The following PCDHGA1 variants were observed in gnomAD, a reference collection of about 807,000 sequenced individuals.
The protein encoded by PCDHGA1 is protocadherin gamma subfamily A, 1, also known as protocadherin gamma-A1.
A neutral mutation model predicts 58.0 loss-of-function variants in PCDHGA1; 32 were observed. The observed-to-expected ratio is 0.55, with a 90% CI of 0.42 to 0.74. PCDHGA1 has a LOEUF of 0.74. Ranked by LOEUF, PCDHGA1 falls within the 30% of genes least tolerant of loss-of-function variation. PCDHGA1 has a pLI of 0.00. For synonymous variants in PCDHGA1, 498 were observed against 501.1 expected, an observed-to-expected ratio of 0.99 and a Z score of 0.08; for missense variants, 1,205 against 1,182.3, an observed-to-expected ratio of 1.02 and a Z score of -0.28.
At chr5:141,340,760 G>T in intron 1 of PCDHGA1, 1 of 1,614,008 alleles carries the variant, frequency 6.2e-7, no homozygotes, top group Non-Finnish European at 8.5e-7. Context: ...GGTGGACAGA[G>T]ACTCGGGCCA....
chr5:141,431,868 A>G lies in PCDHGA1; in HGVS notation c.2422-62939A>G, dbSNP rs755283039. On this transcript the variant is annotated intron_variant, in intron 1 of 3. Coordinates refer to ENST00000517417, the MANE Select transcript of PCDHGA1 (RefSeq NM_018912.3). This position sits in a 1 kb window ranked among gnomAD's most constrained non-coding sequence, Gnocchi z 4.8. ...AGAGGGACATTAATTGCCCTTTTAAATGTAAATGACCAAGATTCTGAGGAA... is the reference window on the plus strand; with the variant it reads ...AGAGGGACATTAATTGCCCTTTTAAGTGTAAATGACCAAGATTCTGAGGAA... 4.3e-6 allele frequency: 7 copies of G among 1,614,102 alleles called. No individual in the cohort carries two copies. In the South Asian group the frequency reaches 6.6e-5, roughly 15 times the overall value.
chr5:141,364,876 G>C (rs1763590066), intron 1 of PCDHGA1: 1 of 1,613,964 alleles, frequency 6.2e-7, no homozygotes. Flanking sequence ...CTCTGGATGT[G>C]GTAAGCGGAA....
intron 1 of PCDHGA1, chr5:141,396,327 A>C (rs1370175057): frequency 6.6e-6 from 1 of 152,430 alleles, no homozygotes; most frequent in Non-Finnish European, 1.5e-5. Flanking sequence ...CTCTAAAAAA[A>C]CTATTATTAG....
At chr5:141,394,568 C>T (rs373695437) in intron 1 of PCDHGA1, 2 of 1,614,072 alleles carry the variant, frequency 1.2e-6, no homozygotes, top group African/African-American at 2.7e-5. Context: ...CAGAGCGTGG[C>T]TACCTGGTGA....
chr5:141,458,506 A>G (rs1443711702), intron 1 of PCDHGA1, among the ~76,000 whole-genome samples: 1 of 150,282 alleles, frequency 6.7e-6, no homozygotes, highest in Non-Finnish European at 1.5e-5. Flanking sequence ...ATACTGTTTG[A>G]CACTTTGTTT....
rs200312693 is a variant in PCDHGA1 at position 141,364,360 on chromosome 5, C to T, written c.2421+31255C>T. 1.5e-3 allele frequency: 2,261 copies of T among 1,558,460 alleles called. 3 individuals carry two copies. The highest frequency in any genetic ancestry group is 1.8e-3 in the Non-Finnish European group (2,074 of 1,154,776). On this transcript the variant is annotated intron_variant, in intron 1 of 3. Transcript: ENST00000517417. ...CGAGTCCACCTAGGGGCTGGGGCTG[C>T]GGAGAGCTGCTGCTGCCCTTCATGC...
At chr5:141,340,891 G>A in intron 1 of PCDHGA1, 1 of 1,613,716 alleles carries the variant, frequency 6.2e-7, no homozygotes, top group Non-Finnish European at 8.5e-7. Context: ...CGCTCAAGCA[G>A]AGCCTCGTGG....
At chr5:141,374,258 T>G (rs1770318137) in intron 1 of PCDHGA1, 2 of 1,613,806 alleles carry the variant, frequency 1.2e-6, no homozygotes, top group African/African-American at 1.3e-5. Flanking sequence ...GCCCCAGGAG[T>G]TGGCGGAGCA....
intron 3 of PCDHGA1, chr5:141,508,128 T>C (rs1490298338): frequency 6.6e-6 from 1 of 151,706 alleles, no homozygotes; most frequent in African/African-American, 2.4e-5. Context: ...CAGAGGGAGG[T>C]CAGGGAGCTG....
rs752011641 is a variant in PCDHGA1 at position 141,490,299 on chromosome 5, C to T, written c.2422-4508C>T. 1.2e-6 allele frequency: 2 copies of T among 1,614,068 alleles called. No homozygotes were observed. Among genetic ancestry groups the T allele is most frequent in the East Asian group, 2.2e-5 (1 of 44,896 alleles). Reference sequence around the variant, plus strand: ...ACAATGCCCCAGAGGTGCTATTGGCCTCTTTGGCCAACCCTGTCCTAGAGA... The same window carrying T: ...ACAATGCCCCAGAGGTGCTATTGGCTTCTTTGGCCAACCCTGTCCTAGAGA... On this transcript the variant is annotated intron_variant, in intron 1 of 3. Coordinates refer to ENST00000517417, the MANE Select transcript of PCDHGA1 (RefSeq NM_018912.3). The surrounding 1 kb of genome is among the most constrained non-coding windows in gnomAD (Gnocchi z 5.4).
At chr5:141,361,147 C>G in intron 1 of PCDHGA1, 1 of 1,613,956 alleles carries the variant, frequency 6.2e-7, no homozygotes, top group Non-Finnish European at 8.5e-7. Flanking sequence ...AGTTGAAATT[C>G]TTGATGACAA....
chr5:141,475,553 T>A (rs1159585016), intron 1 of PCDHGA1, among the ~76,000 whole-genome samples: 2 of 152,260 alleles, frequency 1.3e-5, no homozygotes, highest in Non-Finnish European at 2.9e-5. Flanking sequence ...GTCCGGCTAA[T>A]TGTCTGTCTT....
chr5:141,403,181 C>G (rs1182793881), intron 1 of PCDHGA1: 2 of 1,614,006 alleles, frequency 1.2e-6, no homozygotes, highest in Non-Finnish European at 1.7e-6. Context: ...GCTTTTCTCT[C>G]TGAACCCGCG....
In PCDHGA1 at chr5:141,351,679, C is replaced by G. The variant is rs548473707; in HGVS notation, c.2421+18574C>G. 2.5e-6 allele frequency: 4 copies of G among 1,613,996 alleles called. No homozygotes were observed. In the Admixed American group the frequency reaches 5.0e-5, roughly 20 times the overall value. On this transcript the variant is annotated intron_variant, in intron 1 of 3. Transcript: ENST00000517417. ...CCTCCATTGCACAAGTAAGCGCCTC[C>G]GACCCGGATTTGGGACCCAACGGCA... is the stretch of plus-strand genomic sequence containing the variant.
intron 1 of PCDHGA1, among the ~76,000 whole-genome samples, chr5:141,337,932 A>G (rs1756715564): frequency 1.3e-5 from 2 of 152,182 alleles, no homozygotes; most frequent in African/African-American, 4.8e-5. Context: ...TATCAAATAG[A>G]CCTGCTTTCT....
intron 1 of PCDHGA1, among the ~76,000 whole-genome samples, chr5:141,353,385 A>T: frequency 6.6e-6 from 1 of 152,332 alleles, no homozygotes; most frequent in Middle Eastern, 3.4e-3. Context: ...TATTAATGTA[A>T]TTATGTAATT....
At chr5:141,376,160 C>G in intron 1 of PCDHGA1, 1 of 1,614,010 alleles carries the variant, frequency 6.2e-7, no homozygotes, top group South Asian at 1.1e-5. Context: ...CACTCTGTAC[C>G]TGGTGGTGGC....
chr5:141,404,838 C>T (rs1561696680), intron 1 of PCDHGA1: 1 of 1,613,850 alleles, frequency 6.2e-7, no homozygotes, highest in East Asian at 2.2e-5. Flanking sequence ...GTGCGCACAG[C>T]TCGGGCCCTG....
rs558873325 is a variant in PCDHGA1 at position 141,370,852 on chromosome 5, C to G, written c.2421+37747C>G. On this transcript the variant is annotated intron_variant, in intron 1 of 3. Coordinates refer to ENST00000517417, the MANE Select transcript of PCDHGA1 (RefSeq NM_018912.3). ...CTGGCTCTCACTGGAGCCACATTTG[C>G]CCTGGAATCTGCGCAAGATCCTGAT... The G allele has an allele frequency of 2.0e-5, 33 of 1,614,018 alleles. No individual in the cohort carries two copies. In the South Asian group the frequency reaches 3.4e-4, roughly 17 times the overall value.
Sources: gnomAD v4.1 joint callset for allele counts (sites outside exome capture counted in the v4.1 genomes callset) on GRCh38, gnomAD v4.1.1 for gene constraint, Gnocchi (gnomAD v3.1) non-coding constraint, MANE v1.5 for transcripts, NCBI Gene and HGNC (gene_info 2026-07-23, HGNC 2026-07-21) for gene names.